DEUP1: variants seen among roughly 807,000 people sequenced by gnomAD.
DEUP1 encodes the protein coiled-coil domain containing 67.
In DEUP1, 82 loss-of-function variants were observed where a neutral mutation model predicts 87.4. The ratio of observed to expected loss-of-function variants is 0.94; its 90% CI spans 0.78 to 1.13. The LOEUF is 1.13. Ranked by LOEUF, DEUP1 falls within the 50% of genes most tolerant of loss-of-function variation. DEUP1 has a pLI of 0.00. For missense variants in DEUP1, 663 were observed against 681.5 expected (o/e 0.97, Z 0.30); for synonymous variants, 214 against 222.7 (o/e 0.96, Z 0.35).
At chr11:93,397,546 C>G (rs181555299) in intron 11 of DEUP1, among the ~76,000 whole-genome samples, 1 of 151,996 alleles carries the variant, frequency 6.6e-6, no homozygotes, top group African/African-American at 2.4e-5. Flanking sequence ...TATTCTGGGT[C>G]GTCACAGCCC....
chr11:93,356,295 G>A (rs955004529), intron 3 of DEUP1, among the ~76,000 whole-genome samples: 6 of 152,088 alleles, frequency 3.9e-5, no homozygotes, highest in Non-Finnish European at 8.8e-5. Flanking sequence ...TTTTGGCATA[G>A]TTAACTATAT....
chr11:93,371,015 T>A, intron 6 of DEUP1, 23 bp from the exon 7 acceptor site: 1 of 1,591,398 alleles, frequency 6.3e-7, no homozygotes, highest in Non-Finnish European at 8.6e-7. Context: ...TCATTTGAGT[T>A]ACACAGTTTT....
chr11:93,368,615 C>A (rs1477523966), intron 5 of DEUP1, among the ~76,000 whole-genome samples: 1 of 152,134 alleles, frequency 6.6e-6, no homozygotes, highest in Non-Finnish European at 1.5e-5. Context: ...TATCAAGAGA[C>A]AGCACTAGGG....
In DEUP1 at chr11:93,437,748, C is replaced by CA. The variant is rs1555068637; in HGVS notation, c.*29_*30insA. ...TTTAAACTTTTTTATTTGCTTCCCC[C>CA]CCCCACCCCCGCCAAGAAAAAAAGC... is the stretch of plus-strand genomic sequence containing the variant. On this transcript the variant is annotated 3_prime_UTR_variant, in exon 14 of 14. Coordinates refer to ENST00000298050, the MANE Select transcript of DEUP1 (RefSeq NM_181645.4). 18 of 1,065,202 alleles carry CA rather than the reference C, an allele frequency of 1.7e-5. No homozygotes were observed. Among genetic ancestry groups the CA allele is most frequent in the East Asian group, 1.1e-4 (4 of 36,080 alleles). 66.0% of individuals were successfully genotyped at this position (1,065,202 alleles called of 1,614,324 possible).
At chr11:93,344,947 T>C (rs1329317405) in intron 2 of DEUP1, among the ~76,000 whole-genome samples, 1 of 152,058 alleles carries the variant, frequency 6.6e-6, no homozygotes, top group Non-Finnish European at 1.5e-5. Flanking sequence ...ACAGATTATT[T>C]CATCATCCAC....
At chr11:93,356,764 G>C (rs1456607969) in intron 3 of DEUP1, among the ~76,000 whole-genome samples, 184 bp from the exon 4 acceptor site, 3 of 152,124 alleles carry the variant, frequency 2.0e-5, no homozygotes, top group African/African-American at 4.8e-5. Flanking sequence ...TTGTGGAATA[G>C]TGCTAGCAAT....
intron 7 of DEUP1, among the ~76,000 whole-genome samples, chr11:93,375,695 G>T (rs985604607): frequency 6.6e-6 from 1 of 152,090 alleles, no homozygotes; most frequent in Non-Finnish European, 1.5e-5. Flanking sequence ...CTAGTATTTT[G>T]TCCAGGGTTT....
intron 4 of DEUP1, among the ~76,000 whole-genome samples, chr11:93,363,707 T>C (rs1037801778): frequency 2.0e-5 from 3 of 151,948 alleles, no homozygotes; most frequent in African/African-American, 7.2e-5. Flanking sequence ...TCCACATGAA[T>C]AAGTGGCTTA....
rs1182617715 is a variant in DEUP1 at position 93,437,721 on chromosome 11, C to G, written c.*2C>G. 1.3e-6 allele frequency: 2 copies of G among 1,543,418 alleles called. No individual in the cohort carries two copies. The highest frequency in any genetic ancestry group is 1.8e-6 in the Non-Finnish European group (2 of 1,128,352). ...CTAAAACAAAATAGACACATATGAG[C>G]TTTTAAACTTTTTTATTTGCTTCCC... On this transcript the variant is annotated 3_prime_UTR_variant, in exon 14 of 14. Transcript: ENST00000298050.
intron 11 of DEUP1, among the ~76,000 whole-genome samples, chr11:93,403,016 T>C (rs564271927): frequency 6.6e-6 from 1 of 152,118 alleles, no homozygotes; most frequent in South Asian, 2.1e-4. Context: ...ATTTTGTTTC[T>C]AGCATAAAGA....
intron 2 of DEUP1, among the ~76,000 whole-genome samples, chr11:93,345,691 T>TA (rs1184202890): frequency 1.3e-5 from 2 of 152,174 alleles, no homozygotes; most frequent in African/African-American, 4.8e-5. Context: ...GACCATTTTC[T>TA]AAATGGGGTT....
chr11:93,380,387 G>GGTTTTGTTTTGTTTT (rs370792628), intron 7 of DEUP1, among the ~76,000 whole-genome samples: 28 of 151,010 alleles, frequency 1.9e-4, no homozygotes, highest in African/African-American at 6.4e-4. Flanking sequence ...TGTTTTTTTG[G>GGTTTTGTTTTGTTTT]GTTTTGTTTT....
intron 13 of DEUP1, among the ~76,000 whole-genome samples, chr11:93,428,089 A>T (rs1947986280): frequency 6.6e-6 from 1 of 152,014 alleles, no homozygotes; most frequent in South Asian, 2.1e-4. Flanking sequence ...ATCTAGAACT[A>T]GATCCCTATA....
intron 13 of DEUP1, among the ~76,000 whole-genome samples, chr11:93,431,700 G>A (rs868748273): frequency 4.1e-4 from 62 of 152,198 alleles, no homozygotes; most frequent in African/African-American, 1.4e-3. Flanking sequence ...CTAGGCAAGA[G>A]ATGATGCTGG....
chr11:93,344,682 G>T (rs1944251047), intron 2 of DEUP1, among the ~76,000 whole-genome samples: 1 of 151,886 alleles, frequency 6.6e-6, no homozygotes, highest in South Asian at 2.1e-4. Context: ...TTTTTCTCAT[G>T]CTGTGTTTAT....
At chr11:93,342,053 A>T (rs1380554893) in intron 2 of DEUP1, among the ~76,000 whole-genome samples, 1 of 151,974 alleles carries the variant, frequency 6.6e-6, no homozygotes, top group Non-Finnish European at 1.5e-5. Flanking sequence ...CCATCTCAAG[A>T]TTCTTAACTT....
intron 2 of DEUP1, among the ~76,000 whole-genome samples, chr11:93,341,457 TC>T (rs1944071620): frequency 6.6e-6 from 1 of 152,114 alleles, no homozygotes; most frequent in African/African-American, 2.4e-5. Flanking sequence ...TTCTTTTTCT[TC>T]CCAGTCTCAG....
chr11:93,366,626 G>C (rs115560980), intron 5 of DEUP1, among the ~76,000 whole-genome samples: 395 of 152,308 alleles, frequency 2.6e-3, no homozygotes, highest in African/African-American at 9.1e-3. Flanking sequence ...CAGTACATCT[G>C]AGAAGAATAA....
Position 93,408,433 on chromosome 11 carries a change from C to T in DEUP1, c.1523+6C>T. 1.3e-6 allele frequency: 2 copies of T among 1,508,160 alleles called. No homozygotes were observed. The highest frequency in any genetic ancestry group is 1.8e-6 in the Non-Finnish European group (2 of 1,118,282). 93.4% of individuals were successfully genotyped at this position (1,508,160 alleles called of 1,614,324 possible). On this transcript the variant is annotated splice_donor_region_variant and intron_variant, in intron 12 of 13. Transcript: ENST00000298050. ...GTGGAACAAAATGAAGAGAGGTATG[C>T]TGGCTCCATTATATAAGGGCATAAG...
Sources: gnomAD v4.1 joint callset for allele counts (sites outside exome capture counted in the v4.1 genomes callset) on GRCh38, gnomAD v4.1.1 for gene constraint, MANE v1.5 for transcripts, NCBI Gene and HGNC (gene_info 2026-07-23, HGNC 2026-07-21) for gene names.